The following PLCG2 variants were observed in gnomAD, a reference collection of about 807,000 sequenced individuals.
The protein encoded by PLCG2 is phospholipase C gamma 2.
PLCG2 carries 69 observed loss-of-function variants against 175.6 expected under a neutral mutation model. The observed-to-expected ratio is 0.39, with a 90% CI of 0.32 to 0.48. The LOEUF (loss-of-function observed/expected upper bound fraction) is 0.48. Ranked by LOEUF, PLCG2 falls within the 20% of genes least tolerant of loss-of-function variation. The pLI is 0.91. For synonymous variants in PLCG2, 827 were observed against 624.0 expected (o/e 1.33, Z -4.85); for missense variants, 1,798 against 1,650.9 (o/e 1.09, Z -1.54).
chr16:81,749,542 C>T (rs1000888660), intron 1 of PLCG2, among the ~76,000 whole-genome samples: 19 of 152,126 alleles, frequency 1.2e-4, no homozygotes, highest in South Asian at 2.1e-4. Context: ...TTAGTAGAGA[C>T]GAGGTTTTAC....
chr16:81,848,318 G>C (rs964117615), intron 2 of PLCG2, among the ~76,000 whole-genome samples: 1 of 152,210 alleles, frequency 6.6e-6, no homozygotes, highest in African/African-American at 2.4e-5. Context: ...TAAAGTCCTG[G>C]TTGATGAAGG....
At chr16:81,843,510 G>C (rs777539689) in intron 2 of PLCG2, among the ~76,000 whole-genome samples, 1 of 152,102 alleles carries the variant, frequency 6.6e-6, no homozygotes, top group African/African-American at 2.4e-5. Context: ...AATTTCCTTA[G>C]TATCACTTAA....
chr16:81,770,136 A>G (rs1452706610), intron 2 of PLCG2, among the ~76,000 whole-genome samples: 2 of 152,146 alleles, frequency 1.3e-5, no homozygotes, highest in Non-Finnish European at 1.5e-5. Context: ...TTGATGCATA[A>G]CAACGCAGAG....
chr16:81,891,737 G>A (rs1331428130), intron 11 of PLCG2, 147 bp downstream of exon 11: 1 of 564,200 alleles, frequency 1.8e-6, no homozygotes. Context: ...ATACACAGAA[G>A]CTTCTGGAAG....
intron 6 of PLCG2, 146 bp from the exon 7 acceptor site, chr16:81,870,706 C>G: frequency 2.1e-6 from 1 of 470,328 alleles, no homozygotes; most frequent in Non-Finnish European, 3.8e-6. Context: ...AGCCATGACA[C>G]TGAAACAATG....
At chr16:81,866,202 T>G (rs1218475793) in intron 5 of PLCG2, among the ~76,000 whole-genome samples, 1 of 110,034 alleles carries the variant, frequency 9.1e-6, no homozygotes, top group Non-Finnish European at 1.9e-5. Context: ...TGAGCTCCAC[T>G]GGGGCACCAG....
intron 30 of PLCG2, among the ~76,000 whole-genome samples, chr16:81,940,623 G>A (rs1484545350): frequency 1.3e-5 from 2 of 152,170 alleles, no homozygotes; most frequent in African/African-American, 4.8e-5. Context: ...GGGTCATTTT[G>A]TATTTTTCTG....
At chr16:81,891,823 A>C (rs866347914) in intron 11 of PLCG2, among the ~76,000 whole-genome samples, 9 of 152,220 alleles carry the variant, frequency 5.9e-5, no homozygotes, top group Non-Finnish European at 8.8e-5. Flanking sequence ...AAAAGCTAGT[A>C]AAAACAAAAG....
At chr16:81,910,840 C>A in intron 18 of PLCG2, 120 bp downstream of exon 18, 1 of 913,898 alleles carries the variant, frequency 1.1e-6, no homozygotes, top group Non-Finnish European at 1.7e-6. Flanking sequence ...CCCAGCCCAC[C>A]GGCATCTCAA....
chr16:81,744,648 C>G (rs1909668556), intron 1 of PLCG2, among the ~76,000 whole-genome samples: 1 of 152,082 alleles, frequency 6.6e-6, no homozygotes, highest in Non-Finnish European at 1.5e-5. Context: ...CCATGGCTCT[C>G]TGCAGCCTTG....
chr16:81,827,388 C>T (rs1466931525), intron 2 of PLCG2, among the ~76,000 whole-genome samples: 3 of 151,898 alleles, frequency 2.0e-5, no homozygotes, highest in Non-Finnish European at 2.9e-5. Context: ...GGGGTTTTGC[C>T]ATGTTTCCCA....
intron 3 of PLCG2, among the ~76,000 whole-genome samples, chr16:81,856,618 G>A (rs1292652696): frequency 1.3e-5 from 2 of 152,132 alleles, no homozygotes; most frequent in African/African-American, 4.8e-5. Context: ...TTATTAGTTA[G>A]CATAGGGTTA....
intron 1 of PLCG2, among the ~76,000 whole-genome samples, chr16:81,785,528 C>G (rs1411108658): frequency 6.8e-6 from 1 of 147,870 alleles, no homozygotes; most frequent in African/African-American, 2.5e-5. Flanking sequence ...TAATTTTGCT[C>G]AGGAATAAAG....
At chr16:81,953,678 G>C (rs372752526) in intron 31 of PLCG2, among the ~76,000 whole-genome samples, 27 of 152,310 alleles carry the variant, frequency 1.8e-4, no homozygotes, top group East Asian at 5.8e-4. Flanking sequence ...CTTGACTAGA[G>C]TGGTGGTTCC....
intron 25 of PLCG2, 133 bp from the exon 26 acceptor site, chr16:81,934,296 G>A (rs867949054): frequency 1.9e-5 from 12 of 630,816 alleles, no homozygotes; most frequent in Middle Eastern, 7.8e-4. Flanking sequence ...TTCAGGAAAG[G>A]AAAACATTCA....
At chr16:81,946,722 G>T (rs1007799208) in intron 31 of PLCG2, among the ~76,000 whole-genome samples, 2 of 152,136 alleles carry the variant, frequency 1.3e-5, no homozygotes, top group East Asian at 3.9e-4. Flanking sequence ...CAAATAAGGC[G>T]ATCATGCACA....
At chr16:81,793,740 G>C (rs1244755066) in intron 2 of PLCG2, among the ~76,000 whole-genome samples, 1 of 152,166 alleles carries the variant, frequency 6.6e-6, no homozygotes, top group African/African-American at 2.4e-5. Flanking sequence ...CCTAGTCTCT[G>C]TGAAGGCACA....
intron 2 of PLCG2, among the ~76,000 whole-genome samples, chr16:81,799,430 T>G (rs777908262): frequency 6.6e-6 from 1 of 152,230 alleles, no homozygotes; most frequent in Non-Finnish European, 1.5e-5. Flanking sequence ...GTTAATGAAT[T>G]AATTAATTTT....
At chr16:81,936,518 T>TAATG in intron 27 of PLCG2, 140 bp downstream of exon 27, 1 of 684,134 alleles carries the variant, frequency 1.5e-6, no homozygotes, top group East Asian at 2.7e-5. Context: ...TTCAGCAGAG[T>TAATG]AATGGTTAGT....
Sources: gnomAD v4.1 joint callset for allele counts (sites outside exome capture counted in the v4.1 genomes callset) on GRCh38, gnomAD v4.1.1 for gene constraint, MANE v1.5 for transcripts, NCBI Gene and HGNC (gene_info 2026-07-23, HGNC 2026-07-21) for gene names.